Variants in COPG2 observed in about 807,000 individuals in gnomAD.
COPG2 encodes coatomer subunit gamma-2.
A neutral mutation model predicts 46.3 loss-of-function variants in COPG2; 37 were observed. That is an observed-to-expected ratio of 0.80 (90% CI 0.61 to 1.05). The LOEUF (loss-of-function observed/expected upper bound fraction) is 1.05, where lower values mean the gene tolerates loss of function less well. COPG2 is among the 50% of genes least tolerant of loss of function. The pLI, the probability that COPG2 is intolerant of heterozygous loss-of-function variation, is 0.00. For synonymous variants in COPG2, 159 were observed against 129.7 expected, an observed-to-expected ratio of 1.23 and a Z score of -1.53; for missense variants, 427 against 387.8, an observed-to-expected ratio of 1.10 and a Z score of -0.85.
At chr7:130,588,795 A>C (rs1794338651) in intron 9 of COPG2, among the ~76,000 whole-genome samples, 1 of 150,862 alleles carries the variant, frequency 6.6e-6, no homozygotes, top group Admixed American at 6.6e-5. Flanking sequence ...TTAAAGTATA[A>C]TAATAAAAAA....
At chr7:130,645,107 C>A in intron 5 of COPG2, 1 of 400,720 alleles carries the variant, frequency 2.5e-6, no homozygotes, top group Non-Finnish European at 4.8e-6. Flanking sequence ...CTTAAGCATC[C>A]ATTTTTTCAG....
intron 9 of COPG2, among the ~76,000 whole-genome samples, chr7:130,568,139 G>A (rs1435170059): frequency 2.6e-5 from 4 of 152,142 alleles, no homozygotes; most frequent in Non-Finnish European, 5.9e-5. Context: ...GCTGGGCATG[G>A]TGGTGGATGC....
At chr7:130,539,689 C>T (rs1011551462) in intron 20 of COPG2, among the ~76,000 whole-genome samples, 6 of 152,112 alleles carry the variant, frequency 3.9e-5, no homozygotes, top group East Asian at 3.9e-4. Flanking sequence ...GGAAGTGGGA[C>T]GATGAGGCAG....
At chr7:130,601,797 A>G (rs1554450349) in intron 9 of COPG2, among the ~76,000 whole-genome samples, 2 of 152,044 alleles carry the variant, frequency 1.3e-5, no homozygotes, top group Admixed American at 1.3e-4. Flanking sequence ...CATTCTGCAC[A>G]TGTACCCCAG....
rs373853615 is a variant in COPG2, at chr7:130,571,851, A to C, written c.738-7458T>G. On this transcript the variant is annotated intron_variant, in intron 9 of 23. Transcript: ENST00000425248. ...AAATGCGCCCTCTCTCTCTCTATAT[A>C]TATATATATACACAAACGCGCGCAC... Among the ~76,000 whole-genome samples, 1,395 of 139,900 alleles carry C rather than the reference A, an allele frequency of 1.0e-2. 9 individuals are homozygous for C. Among genetic ancestry groups the C allele is most frequent in the Middle Eastern group, 0.015 (4 of 264 alleles). 91.8% of individuals were successfully genotyped at this position (139,900 alleles called of 152,430 possible). A position where few individuals can be genotyped will look rare whatever the true frequency, so the allele number is the denominator to read the frequency against.
intron 4 of COPG2, among the ~76,000 whole-genome samples, chr7:130,653,433 T>C (rs1584612471): frequency 6.6e-6 from 1 of 152,334 alleles, no homozygotes; most frequent in African/African-American, 2.4e-5. Flanking sequence ...TTTGTATTTT[T>C]AGTAGAGACG....
chr7:130,576,781 G>A (rs1389648865), intron 9 of COPG2, among the ~76,000 whole-genome samples: 1 of 151,948 alleles, frequency 6.6e-6, no homozygotes, highest in Non-Finnish European at 1.5e-5. Context: ...AAATGAAATT[G>A]AAACAAACAA....
At chr7:130,531,402 T>A (rs1365568181) in intron 20 of COPG2, among the ~76,000 whole-genome samples, 1 of 151,730 alleles carries the variant, frequency 6.6e-6, no homozygotes, top group African/African-American at 2.4e-5. Context: ...ATTATGTGGA[T>A]CAAAAGGGAA....
chr7:130,545,111 C>A (rs1793417492), intron 20 of COPG2, among the ~76,000 whole-genome samples: 2 of 152,030 alleles, frequency 1.3e-5, no homozygotes, highest in East Asian at 3.9e-4. Flanking sequence ...GTGGATAATT[C>A]TAGAATTAAA....
At chr7:130,544,810 G>A (rs1793406497) in intron 20 of COPG2, among the ~76,000 whole-genome samples, 1 of 152,086 alleles carries the variant, frequency 6.6e-6, no homozygotes, top group East Asian at 1.9e-4. Flanking sequence ...CTGGGAGGAC[G>A]AAAGATAATA....
At chr7:130,544,276 A>G (rs1206915026) in intron 20 of COPG2, among the ~76,000 whole-genome samples, 1 of 152,204 alleles carries the variant, frequency 6.6e-6, no homozygotes, top group Non-Finnish European at 1.5e-5. Context: ...CCAAGTTAAT[A>G]TGGTTAATAC....
intron 20 of COPG2, among the ~76,000 whole-genome samples, chr7:130,522,106 A>G (rs1799728916): frequency 6.6e-6 from 1 of 152,178 alleles, no homozygotes. Flanking sequence ...ACTGCACCAG[A>G]AAGACAGTGG....
At chr7:130,543,372 G>A (rs1793375205) in intron 20 of COPG2, among the ~76,000 whole-genome samples, 1 of 152,238 alleles carries the variant, frequency 6.6e-6, no homozygotes, top group African/African-American at 2.4e-5. Flanking sequence ...TAATGGCAAA[G>A]AGGAAAACTA....
intron 5 of COPG2, among the ~76,000 whole-genome samples, chr7:130,651,865 T>A (rs1489531913): frequency 6.6e-6 from 1 of 151,904 alleles, no homozygotes; most frequent in Non-Finnish European, 1.5e-5. Context: ...GTTGGCCAGG[T>A]TGGTCTTGTC....
chr7:130,653,519 A>G (rs1389495264), intron 4 of COPG2, among the ~76,000 whole-genome samples: 1 of 152,176 alleles, frequency 6.6e-6, no homozygotes, highest in African/African-American at 2.4e-5. Flanking sequence ...GTGTATACCA[A>G]TGTTTCCTCC....
At position 130,623,912 on chromosome 7, in the gene COPG2, T is replaced by G. The variant is rs149945596; in HGVS notation, c.324-6847A>C. 2.3e-3 allele frequency among the ~76,000 whole-genome samples: 344 copies of G among 152,312 alleles called. 2 individuals are homozygous for G. The highest frequency in any genetic ancestry group is 7.8e-3 in the African/African-American group (326 of 41,576). On this transcript the variant is annotated intron_variant, in intron 5 of 23. Coordinates refer to ENST00000425248, the MANE Select transcript of COPG2 (RefSeq NM_012133.6). Reference sequence around the variant, plus strand: ...GTATACTTTGAGTCTTTCAGGAATATCTTAGTCTATTTGGGCTGCTATAAC... The same window carrying G: ...GTATACTTTGAGTCTTTCAGGAATAGCTTAGTCTATTTGGGCTGCTATAAC...
chr7:130,508,286 T>C lies in COPG2; in HGVS notation c.2247+276A>G, dbSNP rs946899246. ...ATAAAACTGATCTCAATGAAAATCA[T>C]GTCATTATTTTCATCTCTTAATTAT... On this transcript the variant is annotated intron_variant, in intron 21 of 23. Transcript: ENST00000425248. 9.6e-6 allele frequency: 3 copies of C among 311,784 alleles called. No individual in the cohort carries two copies. In the Admixed American group the frequency reaches 1.4e-4, roughly 14 times the overall value. 19.3% of individuals were successfully genotyped at this position (311,784 alleles called of 1,614,324 possible).
chr7:130,584,501 TAA>T (rs2116446604), intron 9 of COPG2, among the ~76,000 whole-genome samples: 1 of 152,050 alleles, frequency 6.6e-6, no homozygotes, highest in South Asian at 2.1e-4. Flanking sequence ...TCCAAATCGA[TAA>T]AGAGGAAGTC....
At position 130,509,695 on chromosome 7, in the gene COPG2, T is replaced by C. The variant is rs187148021; in HGVS notation, c.2150-1036A>G. The C allele has an allele frequency of 2.4e-4, 125 of 519,658 alleles. No homozygotes were observed. In the East Asian group the frequency reaches 6.6e-3, roughly 27 times the overall value. 32.2% of individuals were successfully genotyped at this position (519,658 alleles called of 1,614,324 possible). A position where few individuals can be genotyped will look rare whatever the true frequency, so the allele number is the denominator to read the frequency against. On this transcript the variant is annotated intron_variant, in intron 20 of 23. Transcript: ENST00000425248. ...CCAGACACTTGGATAAAAAGATGAC[T>C]GAGACATGATCTCTGTCTCTAGGAG...
Sources: allele counts gnomAD v4.1 joint callset (sites outside exome capture counted in the v4.1 genomes callset), GRCh38; gene constraint gnomAD v4.1.1; transcripts MANE v1.5; gene names NCBI Gene and HGNC (gene_info 2026-07-23, HGNC 2026-07-21).